TJP1: variants seen among roughly 807,000 people sequenced by gnomAD.
TJP1 encodes the protein tight junction protein ZO-1.
A neutral mutation model predicts 194.2 loss-of-function variants in TJP1; 43 were observed. The observed-to-expected ratio is 0.22, with a 90% CI of 0.17 to 0.29. The LOEUF (loss-of-function observed/expected upper bound fraction) is 0.29, where lower values mean the gene tolerates loss of function less well. Ranked by LOEUF, TJP1 falls within the 10% of genes least tolerant of loss-of-function variation. The probability of loss-of-function intolerance (pLI) is 1.00; values close to 1 mark genes in which losing one functional copy is unlikely to be tolerated. For synonymous variants in TJP1, 801 were observed against 779.0 expected, an observed-to-expected ratio of 1.03 and a Z score of -0.47; for missense variants, 1,971 against 2,185.7, an observed-to-expected ratio of 0.90 and a Z score of 1.96.
At chr15:29,881,465 G>A (rs2052926188) in intron 2 of TJP1, among the ~76,000 whole-genome samples, 2 of 152,154 alleles carry the variant, frequency 1.3e-5, no homozygotes, top group Admixed American at 1.3e-4. Context: ...GTCCATTGTG[G>A]TAGTAAGGAG....
At chr15:29,940,452 T>C (rs1442840886) in intron 2 of TJP1, among the ~76,000 whole-genome samples, 1 of 152,238 alleles carries the variant, frequency 6.6e-6, no homozygotes, top group East Asian at 1.9e-4. Flanking sequence ...TTCATTCTAA[T>C]GCTCAGCAGT....
At chr15:29,756,740 T>C (rs555036602) in intron 8 of TJP1, among the ~76,000 whole-genome samples, 93 of 152,304 alleles carry the variant, frequency 6.1e-4, no homozygotes, top group Non-Finnish European at 4.1e-4. Context: ...AATTAAGCTA[T>C]GAAATTTCTT....
At chr15:29,961,067 G>A (rs1448038471) in intron 1 of TJP1, among the ~76,000 whole-genome samples, 2 of 152,134 alleles carry the variant, frequency 1.3e-5, no homozygotes, top group Non-Finnish European at 2.9e-5. Context: ...CAAGAACACA[G>A]CTGCGTACCT....
At chr15:29,783,812 T>C (rs576811473) in intron 2 of TJP1, among the ~76,000 whole-genome samples, 1 of 151,740 alleles carries the variant, frequency 6.6e-6, no homozygotes, top group East Asian at 1.9e-4. Context: ...GGGTGGAGGG[T>C]AGGAGGTGGG....
chr15:29,821,761 G>C (rs1196125844), intron 1 of TJP1, among the ~76,000 whole-genome samples: 4 of 150,782 alleles, frequency 2.7e-5, no homozygotes, highest in South Asian at 2.1e-4. Flanking sequence ...TGCCCAGTAC[G>C]GCGGCCGGGC....
At chr15:29,951,162 CT>C (rs1023622697) in intron 2 of TJP1, among the ~76,000 whole-genome samples, 42 of 152,000 alleles carry the variant, frequency 2.8e-4, no homozygotes, top group African/African-American at 9.9e-4. Flanking sequence ...CATGGATACT[CT>C]TTTTTTCTTT....
chr15:29,855,662 C>G lies in TJP1; in HGVS notation c.307-54960G>C, dbSNP rs187684117. Among the ~76,000 whole-genome samples, 10 of 152,176 alleles carry G rather than the reference C, an allele frequency of 6.6e-5. No homozygotes were observed. The East Asian group carries it at 1.9e-3, about 29-fold the overall frequency. On this transcript the variant is annotated intron_variant, in intron 2 of 28. Transcript: ENST00000356107. ...CTTGAGGTCAGGAGTTCAAGACCAG[C>G]CTGGCCAACATGGTGAAACCCCGTC...
intron 8 of TJP1, among the ~76,000 whole-genome samples, chr15:29,757,406 AAG>A (rs1367562338): frequency 3.9e-5 from 6 of 152,174 alleles, no homozygotes; most frequent in African/African-American, 1.4e-4. Context: ...GTAAAACAAA[AAG>A]ACACTTATAC....
chr15:29,882,663 T>C (rs535870020), intron 2 of TJP1, among the ~76,000 whole-genome samples: 17 of 152,332 alleles, frequency 1.1e-4, no homozygotes, highest in African/African-American at 3.6e-4. Context: ...TGCATCTCCA[T>C]GTGTCGGACC....
At chr15:29,793,915 T>G (rs80260637) in intron 2 of TJP1, among the ~76,000 whole-genome samples, 358 of 152,336 alleles carry the variant, frequency 2.4e-3, no homozygotes, top group Non-Finnish European at 4.5e-3. Context: ...ATTTTGCATC[T>G]CTGTTCAAAG....
chr15:29,818,670 ATTTTTTTTTTTTT>A (rs11312672), intron 1 of TJP1, among the ~76,000 whole-genome samples: 22 of 124,562 alleles, frequency 1.8e-4, no homozygotes, highest in Admixed American at 3.2e-4. Context: ...AGGCCCGGCT[ATTTTTTTTTTTTT>A]TTTTTTGTAT....
chr15:29,792,806 C>CA (rs1185024542), intron 2 of TJP1, among the ~76,000 whole-genome samples: 1 of 152,072 alleles, frequency 6.6e-6, no homozygotes, highest in Non-Finnish European at 1.5e-5. Flanking sequence ...TTATAGTTTT[C>CA]ATTGTAGAAA....
intron 1 of TJP1, among the ~76,000 whole-genome samples, chr15:29,807,972 A>T (rs1450090324): frequency 6.6e-6 from 1 of 152,188 alleles, no homozygotes; most frequent in African/African-American, 2.4e-5. Flanking sequence ...ACGAAACAAA[A>T]AATGGGCAAA....
Position 29,868,612 on chromosome 15 carries a change from C to A in TJP1, c.307-67910G>T, listed in dbSNP as rs552208756. Reference sequence around the variant, plus strand: ...GGAAGAAAGGGAAGGAAAAAATAAACCAAGAGAATGAAACAGTTAGATCAT... The same window carrying A: ...GGAAGAAAGGGAAGGAAAAAATAAAACAAGAGAATGAAACAGTTAGATCAT... On this transcript the variant is annotated intron_variant, in intron 2 of 28. Transcript: ENST00000356107. 1.4e-3 allele frequency among the ~76,000 whole-genome samples: 207 copies of A among 152,196 alleles called. 2 individuals are homozygous for A. The highest frequency in any genetic ancestry group is 4.6e-3 in the African/African-American group (191 of 41,514).
At chr15:29,773,194 T>G (rs773651838) in intron 3 of TJP1, 39 bp downstream of exon 3, 10 of 1,610,020 alleles carry the variant, frequency 6.2e-6, no homozygotes, top group Non-Finnish European at 8.5e-6. Context: ...AGAGGAACAC[T>G]GCTTGTTGCA....
At chr15:29,958,627 C>T (rs904086899) in intron 1 of TJP1, among the ~76,000 whole-genome samples, 1 of 152,082 alleles carries the variant, frequency 6.6e-6, no homozygotes, top group Non-Finnish European at 1.5e-5. Flanking sequence ...TGTACATTAA[C>T]ATCTTTATAT....
intron 2 of TJP1, among the ~76,000 whole-genome samples, chr15:29,864,754 T>G (rs9302327): frequency 0.17 from 25,810 of 152,134 alleles, 2,718 homozygotes; most frequent in South Asian, 0.23. Flanking sequence ...TATCTCCACC[T>G]TTCTTATCAG....
intron 5 of TJP1, among the ~76,000 whole-genome samples, chr15:29,763,030 T>G (rs1043097161): frequency 1.3e-5 from 2 of 152,190 alleles, no homozygotes; most frequent in African/African-American, 4.8e-5. Flanking sequence ...CCAAAAATAT[T>G]TCTGATCCTA....
chr15:29,728,915 A>G (rs1463769054), intron 15 of TJP1: 1 of 152,188 alleles, frequency 6.6e-6, no homozygotes, highest in East Asian at 1.9e-4. Context: ...GCTGGAAAAA[A>G]AATGCTACTA....
Sources: gnomAD v4.1 joint callset for allele counts (sites outside exome capture counted in the v4.1 genomes callset) on GRCh38, gnomAD v4.1.1 for gene constraint, MANE v1.5 for transcripts, NCBI Gene and HGNC (gene_info 2026-07-23, HGNC 2026-07-21) for gene names.